The following OPCML variants were observed in gnomAD, a reference collection of about 807,000 sequenced individuals.
OPCML encodes opioid binding protein/cell adhesion molecule like.
A neutral mutation model predicts 37.8 loss-of-function variants in OPCML; 13 were observed. The observed-to-expected ratio is 0.34, with a 90% CI of 0.22 to 0.55. OPCML has a LOEUF of 0.55. OPCML is among the 20% of genes least tolerant of loss of function. The pLI is 0.91. For synonymous variants in OPCML, 176 were observed against 168.8 expected (o/e 1.04, Z -0.33); for missense variants, 341 against 435.6 (o/e 0.78, Z 1.93).
At chr11:132,806,770 C>T (rs1429766830) in intron 2 of OPCML, among the ~76,000 whole-genome samples, 2 of 152,126 alleles carry the variant, frequency 1.3e-5, no homozygotes, top group African/African-American at 2.4e-5. Flanking sequence ...TCAATATTTA[C>T]AGGACACTAC....
chr11:133,368,251 G>T (rs1218806768), intron 1 of OPCML, among the ~76,000 whole-genome samples: 2 of 151,640 alleles, frequency 1.3e-5, no homozygotes, highest in African/African-American at 2.4e-5. Context: ...TGAGGTGGGG[G>T]GGGGAAGGAG....
chr11:133,499,785 T>C (rs140535038), intron 1 of OPCML, among the ~76,000 whole-genome samples: 5,266 of 141,894 alleles, frequency 0.037, 290 homozygotes, highest in African/African-American at 0.13. Context: ...TATATATATA[T>C]ATACACATAT....
intron 2 of OPCML, among the ~76,000 whole-genome samples, chr11:132,691,909 A>G (rs968472234): frequency 2.0e-5 from 3 of 152,170 alleles, no homozygotes; most frequent in African/African-American, 7.2e-5. Context: ...AGTTGACAGT[A>G]TCGACAGATT....
chr11:132,756,410 G>A (rs550798149), intron 2 of OPCML, among the ~76,000 whole-genome samples: 65 of 152,264 alleles, frequency 4.3e-4, no homozygotes, highest in Non-Finnish European at 6.9e-4. Context: ...GACATATGAT[G>A]AGCATGTAAA....
chr11:133,415,980 T>C (rs989367688), intron 1 of OPCML, among the ~76,000 whole-genome samples: 1 of 152,104 alleles, frequency 6.6e-6, no homozygotes, highest in African/African-American at 2.4e-5. Flanking sequence ...GCAACAAAGG[T>C]GATTCTCCCC....
At chr11:132,780,694 G>A (rs1946977094) in intron 2 of OPCML, among the ~76,000 whole-genome samples, 1 of 152,156 alleles carries the variant, frequency 6.6e-6, no homozygotes, top group African/African-American at 2.4e-5. Context: ...GTAAAAGGGT[G>A]GCCGTGAGTG....
chr11:132,569,970 G>A (rs182424283), intron 3 of OPCML, among the ~76,000 whole-genome samples: 325 of 147,908 alleles, frequency 2.2e-3, no homozygotes, highest in African/African-American at 7.5e-3. Flanking sequence ...AAACCGAAAA[G>A]CTAATGAATC....
intron 4 of OPCML, among the ~76,000 whole-genome samples, chr11:132,474,084 C>T (rs924185721): frequency 6.6e-6 from 1 of 152,038 alleles, no homozygotes; most frequent in African/African-American, 2.4e-5. Context: ...GGAGCCTGCT[C>T]GGGCCTGTGG....
Position 133,211,835 on chromosome 11 carries a change from G to C in OPCML, c.62-268825C>G, listed in dbSNP as rs1404217556. Among the ~76,000 whole-genome samples, 1 of 152,202 alleles carries C rather than the reference G, an allele frequency of 6.6e-6. No homozygotes were observed. Among genetic ancestry groups the C allele is most frequent in the Non-Finnish European group, 1.5e-5 (1 of 68,040 alleles). Reference sequence around the variant, plus strand: ...AAAGTAGACAGTTAAACCTTCAAGAGTATAAGCATTTGACTCAAACTCTTC... The same window carrying C: ...AAAGTAGACAGTTAAACCTTCAAGACTATAAGCATTTGACTCAAACTCTTC... On this transcript the variant is annotated intron_variant, in intron 1 of 7. Coordinates refer to ENST00000524381, the MANE Select transcript of OPCML (RefSeq NM_001012393.5). This position sits in a 1 kb window ranked among gnomAD's most constrained non-coding sequence, Gnocchi z 4.1.
At chr11:133,195,039 T>C (rs1204404340) in intron 1 of OPCML, among the ~76,000 whole-genome samples, 1 of 152,228 alleles carries the variant, frequency 6.6e-6, no homozygotes, top group Non-Finnish European at 1.5e-5. Flanking sequence ...GATTTACTTC[T>C]TTCTGGTACA....
At chr11:132,797,958 AG>A (rs1938427271) in intron 2 of OPCML, among the ~76,000 whole-genome samples, 1 of 152,214 alleles carries the variant, frequency 6.6e-6, no homozygotes, top group African/African-American at 2.4e-5. Flanking sequence ...CTTTCATAAA[AG>A]ACCTCTCTAG....
intron 1 of OPCML, chr11:133,005,801 G>A (rs1947099310): frequency 1.0e-6 from 1 of 984,902 alleles, no homozygotes; most frequent in Non-Finnish European, 1.2e-6. Flanking sequence ...TTAGGAGATG[G>A]GCATTTCCCT....
At chr11:132,681,597 A>G (rs925209910) in intron 2 of OPCML, among the ~76,000 whole-genome samples, 3 of 152,024 alleles carry the variant, frequency 2.0e-5, no homozygotes, top group African/African-American at 7.2e-5. Flanking sequence ...ACCACCCTTC[A>G]GTTTGTTCCT....
chr11:132,507,462 A>G (rs1221820012), intron 4 of OPCML, among the ~76,000 whole-genome samples: 1 of 151,972 alleles, frequency 6.6e-6, no homozygotes, highest in Admixed American at 6.6e-5. Context: ...ATGTTTATAT[A>G]ATGTATACTA....
chr11:132,944,379 G>A (rs1379971280), intron 1 of OPCML, among the ~76,000 whole-genome samples: 1 of 152,140 alleles, frequency 6.6e-6, no homozygotes, highest in East Asian at 1.9e-4. Flanking sequence ...ATCGCGCTGC[G>A]AACGGCTCCC....
chr11:133,374,321 G>A (rs1944748925), intron 1 of OPCML, among the ~76,000 whole-genome samples: 1 of 152,188 alleles, frequency 6.6e-6, no homozygotes, highest in Non-Finnish European at 1.5e-5. Context: ...CGGCTGCCTG[G>A]GTGTGAAGGA....
intron 1 of OPCML, among the ~76,000 whole-genome samples, chr11:133,304,477 G>T (rs1209470310): frequency 6.6e-6 from 1 of 152,176 alleles, no homozygotes; most frequent in Non-Finnish European, 1.5e-5. Context: ...CAAAAGCAAT[G>T]CCAGAGAAAG....
intron 1 of OPCML, among the ~76,000 whole-genome samples, chr11:133,524,522 T>C (rs142511092): frequency 6.6e-6 from 1 of 152,326 alleles, no homozygotes; most frequent in African/African-American, 2.4e-5. Flanking sequence ...ACTGGGGCCA[T>C]TTCAGCAGAC....
intron 1 of OPCML, chr11:133,439,445 TG>T: frequency 1.0e-6 from 1 of 985,104 alleles, no homozygotes; most frequent in Non-Finnish European, 1.2e-6. Flanking sequence ...AACTCTTTTT[TG>T]TTTTTTTGTT....
Sources: gnomAD v4.1 joint callset for allele counts (sites outside exome capture counted in the v4.1 genomes callset) on GRCh38, gnomAD v4.1.1 for gene constraint, Gnocchi (gnomAD v3.1) non-coding constraint, MANE v1.5 for transcripts, NCBI Gene and HGNC (gene_info 2026-07-23, HGNC 2026-07-21) for gene names.